The following KIZ variants were observed in gnomAD, a reference collection of about 807,000 sequenced individuals.
The protein encoded by KIZ is kizuna centrosomal protein.
A neutral mutation model predicts 79.6 loss-of-function variants in KIZ; 68 were observed. That is an observed-to-expected ratio of 0.85 (90% CI 0.70 to 1.05). The LOEUF (loss-of-function observed/expected upper bound fraction) is 1.05, where lower values mean the gene tolerates loss of function less well. KIZ is among the 50% of genes least tolerant of loss of function. KIZ has a pLI of 0.00. For missense variants in KIZ, 797 were observed against 800.4 expected, an observed-to-expected ratio of 1.00 and a Z score of 0.05; for synonymous variants, 280 against 281.8, an observed-to-expected ratio of 0.99 and a Z score of 0.06.
intron 11 of KIZ, among the ~76,000 whole-genome samples, chr20:21,233,785 C>A (rs2036909270): frequency 6.6e-6 from 1 of 151,848 alleles, no homozygotes; most frequent in African/African-American, 2.4e-5. Flanking sequence ...GTTTTTAGAA[C>A]CTGGAGTATA....
intron 6 of KIZ, among the ~76,000 whole-genome samples, chr20:21,192,221 A>G (rs1394407804): frequency 6.7e-6 from 1 of 149,432 alleles, no homozygotes; most frequent in South Asian, 2.1e-4. Flanking sequence ...TCTGAATTAC[A>G]TGTTCATCAC....
intron 3 of KIZ, among the ~76,000 whole-genome samples, chr20:21,138,562 G>T (rs895705779): frequency 6.6e-6 from 1 of 152,084 alleles, no homozygotes; most frequent in Non-Finnish European, 1.5e-5. Context: ...TACACCTGAG[G>T]TTATACTTCC....
intron 6 of KIZ, among the ~76,000 whole-genome samples, chr20:21,203,936 A>G (rs2035696521): frequency 6.6e-6 from 1 of 151,922 alleles, no homozygotes; most frequent in African/African-American, 2.4e-5. Context: ...TACCCATTAA[A>G]CAACTCTCCA....
At chr20:21,127,709 A>G (rs6082331) in intron 1 of KIZ, among the ~76,000 whole-genome samples, 81,709 of 152,082 alleles carry the variant, frequency 0.54, 23,605 homozygotes, top group South Asian at 0.73. Flanking sequence ...TTATAGAGGC[A>G]AATAATTCTA....
rs36027468 is a variant in KIZ, at chr20:21,214,374, G to GT, written c.1447-153dup. ...AGATTATAGTAGAAAATAACCAGGT[G>GT]TTTTTTTTCTTGACATTTTAATTTC... On this transcript the variant is annotated intron_variant, in intron 7 of 12. Transcript: ENST00000619189. Among the ~76,000 whole-genome samples, 511 of 151,972 alleles carry GT rather than the reference G, an allele frequency of 3.4e-3. 5 individuals are homozygous for GT. Among genetic ancestry groups the GT allele is most frequent in the African/African-American group, 0.011 (447 of 41,442 alleles).
At chr20:21,232,017 A>G (rs2036850605) in intron 10 of KIZ, among the ~76,000 whole-genome samples, 1 of 152,200 alleles carries the variant, frequency 6.6e-6, no homozygotes, top group South Asian at 2.1e-4. Context: ...CAGGTTAGAA[A>G]CTCAGCAAAT....
chr20:21,233,791 G>A (rs1042534441), intron 11 of KIZ, among the ~76,000 whole-genome samples: 2 of 152,062 alleles, frequency 1.3e-5, no homozygotes, highest in African/African-American at 4.8e-5. Context: ...AGAACCTGGA[G>A]TATATTAAAA....
chr20:21,145,250 A>G (rs945756192), intron 3 of KIZ, among the ~76,000 whole-genome samples: 4 of 151,934 alleles, frequency 2.6e-5, no homozygotes, highest in Admixed American at 6.6e-5. Context: ...TATTTTTGTG[A>G]TAAAGTATCA....
intron 6 of KIZ, among the ~76,000 whole-genome samples, chr20:21,167,284 T>C (rs141336604): frequency 4.5e-4 from 69 of 152,322 alleles, no homozygotes; most frequent in African/African-American, 1.6e-3. Flanking sequence ...GATAGAAGTG[T>C]CTACCCATAA....
In KIZ at chr20:21,215,630, G is replaced by A; in HGVS notation, c.1660G>A (p.Ala554Thr). 6.2e-7 allele frequency: 1 copy of A among 1,605,052 alleles called. No individual in the cohort carries two copies. The highest frequency in any genetic ancestry group is 8.5e-7 in the Non-Finnish European group (1 of 1,173,428). ...GDKSKKENVAADIPITETEAY... is the reference protein window; with the variant it reads ...GDKSKKENVATDIPITETEAY... Reference sequence around the variant, plus strand: ...CAAGAGCAAGAAAGAAAATGTGGCTGCAGATATCCCAATCACAGGTAAAGC... The same window carrying A: ...CAAGAGCAAGAAAGAAAATGTGGCTACAGATATCCCAATCACAGGTAAAGC... The change falls in exon 9 of 13, where the codon GCA (alanine) becomes ACA (threonine). Residue 554 changes from alanine to threonine, a missense_variant. Coordinates refer to ENST00000619189, the MANE Select transcript of KIZ (RefSeq NM_018474.6).
At chr20:21,139,423 A>AT (rs2032390541) in intron 3 of KIZ, among the ~76,000 whole-genome samples, 1 of 152,118 alleles carries the variant, frequency 6.6e-6, no homozygotes, top group African/African-American at 2.4e-5. Context: ...TAGCTTCCCA[A>AT]TTTTTTCTTT....
chr20:21,192,028 G>A (rs1282352887), intron 6 of KIZ, among the ~76,000 whole-genome samples: 1 of 152,048 alleles, frequency 6.6e-6, no homozygotes, highest in African/African-American at 2.4e-5. Flanking sequence ...GGGTACACTG[G>A]GATTGGAAGA....
At chr20:21,137,548 G>A (rs956154731) in intron 3 of KIZ, among the ~76,000 whole-genome samples, 5 of 149,922 alleles carry the variant, frequency 3.3e-5, no homozygotes, top group Admixed American at 2.7e-4. Context: ...AGAAGAGTTA[G>A]CATAATTATT....
chr20:21,210,151 T>C (rs567820234), intron 7 of KIZ, among the ~76,000 whole-genome samples: 2 of 151,934 alleles, frequency 1.3e-5, no homozygotes, highest in Non-Finnish European at 2.9e-5. Context: ...TTACTAAAAA[T>C]AGAAAAATTA....
Position 21,141,798 on chromosome 20 carries a change from AACACAC to A in KIZ, c.316-3746_316-3741del, listed in dbSNP as rs373681499. The stretch of plus-strand genomic sequence containing the variant: ...CAGCCTCACCCTTATTACTCCTCCC[AACACAC>A]ACACACACACACACACACACTCTCT... On this transcript the variant is annotated intron_variant, in intron 3 of 12. Transcript: ENST00000619189. 3.5e-3 allele frequency among the ~76,000 whole-genome samples: 463 copies of A among 133,354 alleles called. 2 individuals carry two copies. Among genetic ancestry groups the A allele is most frequent in the East Asian group, 0.014 (64 of 4,556 alleles). The allele number at this position is 133,354 out of a possible 152,430, so 87.5% of individuals were successfully genotyped here. A position where few individuals can be genotyped will look rare whatever the true frequency, so the allele number is the denominator to read the frequency against.
chr20:21,230,222 C>T (rs1436908450), intron 10 of KIZ, among the ~76,000 whole-genome samples: 1 of 152,202 alleles, frequency 6.6e-6, no homozygotes, highest in Non-Finnish European at 1.5e-5. Flanking sequence ...TGCCTGTAAT[C>T]CCAGCATTTT....
At chr20:21,132,044 C>A in intron 1 of KIZ, 53 bp from the exon 2 acceptor site, 1 of 787,650 alleles carries the variant, frequency 1.3e-6, no homozygotes, top group Non-Finnish European at 2.1e-6. Flanking sequence ...TGGTCTAAAT[C>A]CAACTCCCTG....
intron 12 of KIZ, chr20:21,245,180 C>G (rs929015639): frequency 6.6e-6 from 1 of 152,096 alleles, no homozygotes; most frequent in Non-Finnish European, 1.5e-5. Flanking sequence ...TTTATTTAGC[C>G]CCAGTATGTC....
At chr20:21,183,637 G>A (rs2034750549) in intron 6 of KIZ, among the ~76,000 whole-genome samples, 1 of 152,142 alleles carries the variant, frequency 6.6e-6, no homozygotes, top group African/African-American at 2.4e-5. Flanking sequence ...TATAATCAAA[G>A]AATTAGCATG....
Sources: allele counts gnomAD v4.1 joint callset (sites outside exome capture counted in the v4.1 genomes callset), GRCh38; gene constraint gnomAD v4.1.1; transcripts MANE v1.5; gene names NCBI Gene and HGNC (gene_info 2026-07-23, HGNC 2026-07-21).